DNAJC1: variants seen among roughly 807,000 people sequenced by gnomAD.
The protein encoded by DNAJC1 is DnaJ heat shock protein family (Hsp40) member C1.
A neutral mutation model predicts 76.6 loss-of-function variants in DNAJC1; 58 were observed. The ratio of observed to expected loss-of-function variants is 0.76; its 90% CI spans 0.61 to 0.94. DNAJC1 has a LOEUF of 0.94. Among genes scored for constraint, DNAJC1 ranks in the 40% least tolerant of loss-of-function variants. The pLI is 0.00. For synonymous variants in DNAJC1, 258 were observed against 267.9 expected, an observed-to-expected ratio of 0.96 and a Z score of 0.36; for missense variants, 689 against 677.3, an observed-to-expected ratio of 1.02 and a Z score of -0.19.
intron 1 of DNAJC1, chr10:21,933,038 G>C (rs1250175639): frequency 6.6e-6 from 1 of 152,170 alleles, no homozygotes; most frequent in Admixed American, 6.5e-5. Flanking sequence ...GCTGTTTTAA[G>C]CTAAGTGTTA....
At chr10:21,979,930 T>C (rs1838126223) in intron 1 of DNAJC1, among the ~76,000 whole-genome samples, 1 of 151,780 alleles carries the variant, frequency 6.6e-6, no homozygotes, top group South Asian at 2.1e-4. Flanking sequence ...CCTATGACTT[T>C]TGCAGTCAAA....
At chr10:21,804,530 A>G (rs753901305) in intron 9 of DNAJC1, among the ~76,000 whole-genome samples, 1 of 151,998 alleles carries the variant, frequency 6.6e-6, no homozygotes, top group Non-Finnish European at 1.5e-5. Flanking sequence ...TTATTAACCT[A>G]TCTTTTACAA....
chr10:21,989,559 G>T (rs1216395342), intron 1 of DNAJC1, among the ~76,000 whole-genome samples: 1 of 152,164 alleles, frequency 6.6e-6, no homozygotes, highest in Non-Finnish European at 1.5e-5. Context: ...TCACAGCCAG[G>T]CTTGCTGCTT....
intron 9 of DNAJC1, among the ~76,000 whole-genome samples, chr10:21,788,703 C>T (rs1442192020): frequency 1.3e-5 from 2 of 152,180 alleles, no homozygotes; most frequent in South Asian, 2.1e-4. Context: ...GTTACCACTA[C>T]ATGGTGCCTC....
intron 9 of DNAJC1, among the ~76,000 whole-genome samples, chr10:21,802,895 T>C (rs544914042): frequency 6.6e-6 from 1 of 152,286 alleles, no homozygotes; most frequent in South Asian, 2.1e-4. Flanking sequence ...TTGAGTGTCC[T>C]TTGTGATTAC....
At chr10:21,807,722 A>G (rs1005182688) in intron 8 of DNAJC1, among the ~76,000 whole-genome samples, 3 of 152,222 alleles carry the variant, frequency 2.0e-5, no homozygotes, top group African/African-American at 7.2e-5. Context: ...GAAAGCCTCA[A>G]ACATATTCAT....
intron 1 of DNAJC1, among the ~76,000 whole-genome samples, chr10:21,973,018 A>G (rs139815693): frequency 2.0e-4 from 31 of 152,280 alleles, no homozygotes; most frequent in African/African-American, 7.2e-4. Context: ...GAAGTAAAGA[A>G]ATACTAAAAA....
intron 8 of DNAJC1, among the ~76,000 whole-genome samples, chr10:21,879,752 C>G (rs1448532944): frequency 6.6e-6 from 1 of 152,170 alleles, no homozygotes; most frequent in East Asian, 1.9e-4. Context: ...ACCGCTAAAA[C>G]GTATTAATAA....
intron 8 of DNAJC1, among the ~76,000 whole-genome samples, chr10:21,831,741 G>A (rs1008873376): frequency 2.1e-5 from 3 of 140,784 alleles, no homozygotes; most frequent in African/African-American, 8.0e-5. Context: ...AGTGAGCTGA[G>A]ATCGCACCAC....
chr10:21,801,918 T>A (rs573902138), intron 9 of DNAJC1, among the ~76,000 whole-genome samples: 1 of 152,252 alleles, frequency 6.6e-6, no homozygotes, highest in East Asian at 1.9e-4. Context: ...ATGTTCTCAC[T>A]TGTAAGCGGG....
intron 1 of DNAJC1, among the ~76,000 whole-genome samples, chr10:21,940,694 G>A (rs956129161): frequency 2.0e-5 from 3 of 152,032 alleles, no homozygotes; most frequent in Non-Finnish European, 4.4e-5. Flanking sequence ...AAAAAAGTAA[G>A]CGTTCTCCAA....
rs138153813 is a variant in DNAJC1 at position 21,913,640 on chromosome 10, T to G, written c.729+5139A>C. On this transcript the variant is annotated intron_variant, in intron 6 of 11. Transcript: ENST00000376980. ...TTTAAAAATACCCAAGAAGGGCATT[T>G]TGGAGGTTACAAAAATTTCCTGGGG... is the stretch of plus-strand genomic sequence containing the variant. Among the ~76,000 whole-genome samples the G allele has an allele frequency of 9.2e-3, 1,399 of 152,226 alleles. 12 individuals are homozygous for G. Among genetic ancestry groups the G allele is most frequent in the Non-Finnish European group, 0.016 (1,062 of 68,012 alleles).
intron 8 of DNAJC1, among the ~76,000 whole-genome samples, chr10:21,833,259 C>T (rs1835391001): frequency 1.3e-5 from 2 of 152,252 alleles, no homozygotes; most frequent in Non-Finnish European, 1.5e-5. Flanking sequence ...ATCACAAGGT[C>T]AGGAGTTTGA....
intron 8 of DNAJC1, among the ~76,000 whole-genome samples, chr10:21,840,328 G>A (rs566602394): frequency 3.9e-5 from 6 of 152,248 alleles, no homozygotes; most frequent in African/African-American, 1.2e-4. Flanking sequence ...GTTTGCAGAC[G>A]ACATGATTGT....
At chr10:21,970,632 T>C (rs1296068252) in intron 1 of DNAJC1, among the ~76,000 whole-genome samples, 1 of 152,004 alleles carries the variant, frequency 6.6e-6, no homozygotes, top group African/African-American at 2.4e-5. Context: ...AGCATCTCTA[T>C]CTAAAGGTGA....
At chr10:21,965,164 G>A (rs371648135) in intron 1 of DNAJC1, among the ~76,000 whole-genome samples, 59 of 151,924 alleles carry the variant, frequency 3.9e-4, no homozygotes, top group African/African-American at 1.3e-3. Context: ...CCTCATGTCT[G>A]CATCTCTTTG....
intron 9 of DNAJC1, among the ~76,000 whole-genome samples, chr10:21,789,558 T>C (rs973522009): frequency 6.6e-6 from 1 of 152,006 alleles, no homozygotes; most frequent in Non-Finnish European, 1.5e-5. Flanking sequence ...TAGAAATTAA[T>C]GAACTTAAGG....
intron 5 of DNAJC1, 58 bp downstream of exon 5, chr10:21,919,774 T>C (rs1837011019): frequency 2.5e-6 from 3 of 1,182,550 alleles, no homozygotes; most frequent in South Asian, 2.7e-5. Context: ...AGTTGAATCA[T>C]ATTAAAGATG....
intron 1 of DNAJC1, among the ~76,000 whole-genome samples, chr10:21,953,964 T>C (rs1369407297): frequency 1.3e-5 from 2 of 151,950 alleles, no homozygotes; most frequent in African/African-American, 2.4e-5. Context: ...TCAAATTATA[T>C]AAAAAAGTTG....
Sources: allele counts gnomAD v4.1 joint callset (sites outside exome capture counted in the v4.1 genomes callset), GRCh38; gene constraint gnomAD v4.1.1; transcripts MANE v1.5; gene names NCBI Gene and HGNC (gene_info 2026-07-23, HGNC 2026-07-21).